Variants in UMODL1 observed in about 807,000 individuals in gnomAD.
UMODL1 encodes uromodulin like 1.
A neutral mutation model predicts 136.3 loss-of-function variants in UMODL1; 128 were observed. The observed-to-expected ratio is 0.94, with a 90% CI of 0.81 to 1.09. UMODL1 has a LOEUF of 1.09. UMODL1 is among the 50% of genes least tolerant of loss of function. The pLI is 0.00. For synonymous variants in UMODL1, 721 were observed against 720.0 expected (o/e 1.00, Z -0.02); for missense variants, 1,766 against 1,725.6 (o/e 1.02, Z -0.41).
rs536018966 is a variant in UMODL1, at chr21:42,099,246, C to A, written c.1186+66C>A. On this transcript the variant is annotated intron_variant, in intron 7 of 22. Coordinates refer to ENST00000408910, the MANE Select transcript of UMODL1 (RefSeq NM_001004416.3). The surrounding 1 kb of genome is among the most constrained non-coding windows in gnomAD (Gnocchi z 4.1). ...TGTCTTTCTATCCCAGGTCTGTGGC[C>A]CTAGCATGTCGCGTTCTTCTTCCTA... 3.1e-5 allele frequency: 49 copies of A among 1,569,144 alleles called. No homozygotes were observed. The South Asian group carries it at 5.4e-4, about 17-fold the overall frequency.
chr21:42,110,095 G>C (rs554569655), intron 10 of UMODL1, among the ~76,000 whole-genome samples: 182 of 150,582 alleles, frequency 1.2e-3, no homozygotes, highest in African/African-American at 3.9e-3. Flanking sequence ...CCTGGAGCCC[G>C]AGACAGTGTG....
intron 14 of UMODL1, 74 bp from the exon 15 acceptor site, chr21:42,119,037 G>A (rs993760143): frequency 1.1e-5 from 17 of 1,503,026 alleles, no homozygotes; most frequent in Admixed American, 5.4e-5. Flanking sequence ...AGACTGGCAG[G>A]AGGAACCGCC....
rs746970378 is a variant in UMODL1 at position 42,127,831 on chromosome 21, CGTAA to C, written c.3690+3_3690+6del. 3 of 1,610,918 alleles carry C rather than the reference CGTAA, an allele frequency of 1.9e-6. No homozygotes were observed. The highest frequency in any genetic ancestry group is 1.7e-6 in the Non-Finnish European group (2 of 1,178,882). On this transcript the variant is annotated splice_donor_variant and splice_donor_region_variant and intron_variant, in intron 20 of 22. Transcript: ENST00000408910. LOFTEE classifies it high-confidence loss of function. ...AATCCCCCGGAGCCACGTGCAAAATCGTAAGTGTTTTTTGGTTTTCTAAACGTTT... is the reference window on the plus strand; with the variant it reads ...AATCCCCCGGAGCCACGTGCAAAATCGTGTTTTTTGGTTTTCTAAACGTTT...
chr21:42,137,690 T>A, intron 22 of UMODL1, 49 bp downstream of exon 22: 1 of 522,450 alleles, frequency 1.9e-6, no homozygotes, highest in Non-Finnish European at 2.5e-6. Context: ...AAGGTGGGTG[T>A]GGAGTGGGGT....
chr21:42,096,003 G>A (rs140016773), intron 6 of UMODL1, among the ~76,000 whole-genome samples: 13 of 152,226 alleles, frequency 8.5e-5, no homozygotes, highest in East Asian at 7.7e-4. Flanking sequence ...AGTTCCTACC[G>A]CTGCTATAAT....
At chr21:42,105,933 C>T (rs921373824) in intron 9 of UMODL1, among the ~76,000 whole-genome samples, 3 of 152,240 alleles carry the variant, frequency 2.0e-5, no homozygotes, top group Admixed American at 6.5e-5. Flanking sequence ...CCACTCCCCA[C>T]GCTGTTCAGT....
intron 1 of UMODL1, among the ~76,000 whole-genome samples, chr21:42,075,239 G>T (rs1052229734): frequency 4.0e-5 from 4 of 100,498 alleles, no homozygotes; most frequent in African/African-American, 1.6e-4. Flanking sequence ...TTTTGCTGGA[G>T]ATGGGGGGGG....
intron 1 of UMODL1, among the ~76,000 whole-genome samples, chr21:42,064,472 C>T (rs998831879): frequency 4.6e-5 from 7 of 152,262 alleles, no homozygotes; most frequent in Admixed American, 1.3e-4. Flanking sequence ...CTTGCTGACT[C>T]ACCTTGCAGG....
Position 42,082,892 on chromosome 21 carries a change from C to T in UMODL1, c.320-1192C>T, listed in dbSNP as rs138921078. ...GCTTCCCTTTGGGTGGATTCTCAGA[C>T]TCCTGCAGTGCTTTCTGAGACCTCT... On this transcript the variant is annotated intron_variant, in intron 2 of 22. Transcript: ENST00000408910. Among the ~76,000 whole-genome samples, 248 of 149,402 alleles carry T rather than the reference C, an allele frequency of 1.7e-3. 1 individual carries two copies. Among genetic ancestry groups the T allele is most frequent in the Non-Finnish European group, 2.4e-3 (159 of 67,378 alleles).
At position 42,085,484 on chromosome 21, in the gene UMODL1, C is replaced by T. The variant is rs1277977319; in HGVS notation, c.603+72C>T. 9.3e-6 allele frequency: 15 copies of T among 1,607,280 alleles called. No homozygotes were observed. The highest frequency in any genetic ancestry group is 1.3e-5 in the African/African-American group (1 of 74,824). ...GCTCAGGCAGACCCAGGTATGGGGC[C>T]GTGGAAGGGACCTGGGGGTTGGGGA... On this transcript the variant is annotated intron_variant, in intron 4 of 22. Coordinates refer to ENST00000408910, the MANE Select transcript of UMODL1 (RefSeq NM_001004416.3). The surrounding 1 kb of genome is among the most constrained non-coding windows in gnomAD (Gnocchi z 4.5).
At chr21:42,111,802 CG>C in intron 12 of UMODL1, 92 bp downstream of exon 12, 1 of 1,290,908 alleles carries the variant, frequency 7.7e-7, no homozygotes, top group Non-Finnish European at 1.0e-6. Context: ...GCCGTGGAGT[CG>C]CAGGCTGCTA....
rs936711035 is a variant in UMODL1 at position 42,126,461 on chromosome 21, G to A, written c.3264G>A (p.Leu1088=). ...ACTGCGCCTTCCAGAATGACCTGCT[G>A]ACATCCTCCGGCTTCACCCTGGAGT... The part of the protein sequence containing the change: ...PIYCAFQNDL[L]TSSGFTLEWG... The change falls in exon 18 of 23, where the codon CTG becomes CTA. Residue 1088 remains leucine, a synonymous_variant. Coordinates refer to ENST00000408910, the MANE Select transcript of UMODL1 (RefSeq NM_001004416.3). 3 of 1,614,116 alleles carry A rather than the reference G, an allele frequency of 1.9e-6. No individual in the cohort carries two copies. The highest frequency in any genetic ancestry group is 1.7e-6 in the Non-Finnish European group (2 of 1,180,046).
At chr21:42,071,653 G>A (rs1321855162) in intron 1 of UMODL1, among the ~76,000 whole-genome samples, 1 of 152,074 alleles carries the variant, frequency 6.6e-6, no homozygotes, top group Non-Finnish European at 1.5e-5. Flanking sequence ...GGGCGTTCGT[G>A]GGGGTAAAAT....
intron 22 of UMODL1, among the ~76,000 whole-genome samples, chr21:42,139,117 G>C (rs927521581): frequency 2.0e-5 from 3 of 152,224 alleles, no homozygotes; most frequent in African/African-American, 4.8e-5. Context: ...GCAGTGAGCC[G>C]AGACTGCCCC....
At chr21:42,113,874 T>A in intron 13 of UMODL1, 44 bp downstream of exon 13, 1 of 1,585,556 alleles carries the variant, frequency 6.3e-7, no homozygotes, top group Non-Finnish European at 8.6e-7. Flanking sequence ...ACAAAAAGTA[T>A]GAAAAAGACT....
At position 42,141,359 on chromosome 21, in the gene UMODL1, C is replaced by T. The variant is rs539702207; in HGVS notation, c.*22-737C>T. 5.9e-5 allele frequency among the ~76,000 whole-genome samples: 9 copies of T among 152,212 alleles called. 1 individual carries two copies. In the South Asian group the frequency reaches 8.3e-4, roughly 14 times the overall value. ...GCCAGGACTCCTGGTAACTAACATA[C>T]GCAGTATTCTGGGGTCTCAGGACCC... On this transcript the variant is annotated intron_variant, in intron 22 of 22. Coordinates refer to ENST00000408910, the MANE Select transcript of UMODL1 (RefSeq NM_001004416.3).
upstream of UMODL1, among the ~76,000 whole-genome samples, chr21:42,068,235 C>T (rs536927691): frequency 6.6e-6 from 1 of 152,322 alleles, no homozygotes; most frequent in South Asian, 2.1e-4. This position sits in a 1 kb window ranked among gnomAD's most constrained non-coding sequence, Gnocchi z 5.5. Flanking sequence ...TTCAGGAGGA[C>T]ACGGTCCCGT....
intron 13 of UMODL1, among the ~76,000 whole-genome samples, chr21:42,114,659 T>C (rs1028003436): frequency 1.3e-5 from 2 of 152,252 alleles, no homozygotes; most frequent in Admixed American, 6.5e-5. Context: ...TTGAGAACTA[T>C]GTATGTGCTT....
chr21:42,095,089 G>GTTTTTTTTCTTT (rs1555922533), intron 6 of UMODL1, among the ~76,000 whole-genome samples: 1 of 61,186 alleles, frequency 1.6e-5, no homozygotes, highest in Non-Finnish European at 2.9e-5. Flanking sequence ...TTCTTCTGCT[G>GTTTTTTTTCTTT]TTTTTTTTTT....
Sources: gnomAD v4.1 joint callset for allele counts (sites outside exome capture counted in the v4.1 genomes callset) on GRCh38, gnomAD v4.1.1 for gene constraint, Gnocchi (gnomAD v3.1) non-coding constraint, MANE v1.5 for transcripts, NCBI Gene and HGNC (gene_info 2026-07-23, HGNC 2026-07-21) for gene names.